The following IL1RAPL1 variants were observed in gnomAD, a reference collection of about 807,000 sequenced individuals.
IL1RAPL1 encodes interleukin-1 receptor accessory protein-like 1.
In IL1RAPL1, 3 loss-of-function variants were observed where a neutral mutation model predicts 48.4. The ratio of observed to expected loss-of-function variants is 0.06; its 90% CI spans 0.03 to 0.16. The LOEUF is 0.16. Among genes scored for constraint, IL1RAPL1 ranks in the 10% least tolerant of loss-of-function variants. IL1RAPL1 has a pLI of 1.00. For synonymous variants in IL1RAPL1, 185 were observed against 187.7 expected (o/e 0.99, Z 0.12); for missense variants, 349 against 530.6 (o/e 0.66, Z 3.36).
chrX:29,188,157 C>T (rs1930287598), intron 2 of IL1RAPL1, among the ~76,000 whole-genome samples: 1 of 112,091 alleles, frequency 8.9e-6, no homozygotes, highest in Admixed American at 9.5e-5. Context: ...ATTCTCCTTC[C>T]ACAGACTACT....
intron 6 of IL1RAPL1, among the ~76,000 whole-genome samples, chrX:29,714,927 A>T (rs900411533): frequency 1.8e-5 from 2 of 111,568 alleles, no homozygotes; most frequent in African/African-American, 6.5e-5. Context: ...TTATTTTCAT[A>T]ATCTTCAATC....
chrX:29,333,487 G>A (rs1297239934), intron 3 of IL1RAPL1, among the ~76,000 whole-genome samples: 2 of 87,471 alleles, frequency 2.3e-5, no homozygotes, highest in Admixed American at 1.1e-4. Flanking sequence ...CGGCCGGGCA[G>A]AGGCGCCCCT....
At chrX:28,736,248 A>T (rs1486191710) in intron 1 of IL1RAPL1, among the ~76,000 whole-genome samples, 2 of 110,282 alleles carry the variant, frequency 1.8e-5, no homozygotes, top group African/African-American at 6.6e-5. Flanking sequence ...CCTGGCCAAC[A>T]TAGTGAAACC....
intron 6 of IL1RAPL1, among the ~76,000 whole-genome samples, chrX:29,769,610 AT>A (rs146650137): frequency 0.2 from 8,538 of 42,963 alleles, 661 homozygotes; most frequent in African/African-American, 0.29. Flanking sequence ...TGCCTGGCTA[AT>A]TTTTTTTTTT....
intron 6 of IL1RAPL1, among the ~76,000 whole-genome samples, chrX:29,850,596 G>A (rs896909293): frequency 2.7e-5 from 3 of 112,383 alleles, no homozygotes; most frequent in African/African-American, 9.7e-5. Context: ...CGTAAGGCTC[G>A]GTGTGGGTGG....
chrX:28,829,847 C>T (rs1164067855), intron 2 of IL1RAPL1, among the ~76,000 whole-genome samples: 7 of 110,598 alleles, frequency 6.3e-5, no homozygotes, highest in East Asian at 2.8e-4. Context: ...CGTGAGCCAC[C>T]GTGCCCGGCC....
At chrX:29,713,338 G>T (rs1927401468) in intron 6 of IL1RAPL1, among the ~76,000 whole-genome samples, 1 of 111,739 alleles carries the variant, frequency 8.9e-6, no homozygotes. Flanking sequence ...GGTAGGTACA[G>T]ACATGAGAAG....
intron 2 of IL1RAPL1, among the ~76,000 whole-genome samples, chrX:28,993,475 A>G (rs1378474088): frequency 1.8e-5 from 2 of 111,615 alleles, no homozygotes; most frequent in Non-Finnish European, 3.8e-5. Context: ...TGAAGATACA[A>G]TTGGCAAGGC....
chrX:29,325,468 A>C (rs1932836869), intron 3 of IL1RAPL1, among the ~76,000 whole-genome samples: 1 of 111,894 alleles, frequency 8.9e-6, no homozygotes, highest in African/African-American at 3.2e-5. Context: ...TTGTTATTTT[A>C]TTTTTGCCAT....
At chrX:29,647,886 C>T (rs1274919504) in intron 5 of IL1RAPL1, among the ~76,000 whole-genome samples, 1 of 111,362 alleles carries the variant, frequency 9.0e-6, no homozygotes, top group East Asian at 2.8e-4. Context: ...CAAGACTCTT[C>T]TATATGGTAC....
chrX:29,335,944 G>A (rs1466569022), intron 3 of IL1RAPL1, among the ~76,000 whole-genome samples: 2 of 109,476 alleles, frequency 1.8e-5, no homozygotes, highest in East Asian at 2.9e-4. Context: ...AAAAACAGTC[G>A]TGCGTATGTA....
intron 5 of IL1RAPL1, among the ~76,000 whole-genome samples, chrX:29,573,660 T>G (rs1165949817): frequency 8.9e-6 from 1 of 112,225 alleles, no homozygotes; most frequent in African/African-American, 3.2e-5. Flanking sequence ...CTGGCATATC[T>G]TGGTAAAAGT....
chrX:29,051,082 A>G (rs780063434), intron 2 of IL1RAPL1, among the ~76,000 whole-genome samples: 3 of 112,204 alleles, frequency 2.7e-5, no homozygotes, highest in Non-Finnish European at 5.6e-5. Flanking sequence ...TGTTTTTTGG[A>G]AGGTCATATT....
intron 6 of IL1RAPL1, among the ~76,000 whole-genome samples, chrX:29,803,316 T>TACAC (rs1269567602): frequency 1.7e-4 from 10 of 58,531 alleles, no homozygotes; most frequent in African/African-American, 5.1e-4. Flanking sequence ...CACACATGTA[T>TACAC]ATATGTATAC....
At chrX:29,693,319 C>T (rs948699079) in intron 6 of IL1RAPL1, among the ~76,000 whole-genome samples, 1 of 112,424 alleles carries the variant, frequency 8.9e-6, no homozygotes, top group Non-Finnish European at 1.9e-5. Context: ...TTTCAGGCTT[C>T]TAAGTGTGTT....
chrX:28,731,207 A>G (rs1254328342), intron 1 of IL1RAPL1, among the ~76,000 whole-genome samples: 1 of 110,796 alleles, frequency 9.0e-6, no homozygotes, highest in Admixed American at 9.6e-5. Flanking sequence ...TTTCATTTTG[A>G]TTTTTTTTCT....
At chrX:28,896,500 A>G (rs777150873) in intron 2 of IL1RAPL1, among the ~76,000 whole-genome samples, 1 of 111,349 alleles carries the variant, frequency 9.0e-6, no homozygotes, top group Admixed American at 9.5e-5. Flanking sequence ...AGCCTTGACT[A>G]TGCCTTTAGC....
intron 5 of IL1RAPL1, among the ~76,000 whole-genome samples, chrX:29,405,664 G>A (rs775897369): frequency 9.1e-6 from 1 of 109,473 alleles, no homozygotes; most frequent in Admixed American, 9.6e-5. Flanking sequence ...CCACGCCCAG[G>A]CTCTGTGTTC....
intron 2 of IL1RAPL1, among the ~76,000 whole-genome samples, chrX:29,025,529 A>G (rs1353893557): frequency 9.0e-6 from 1 of 111,173 alleles, no homozygotes; most frequent in African/African-American, 3.3e-5. Context: ...AATTATAGAT[A>G]CCTTAACTTG....
Sources: gnomAD v4.1 joint callset for allele counts (sites outside exome capture counted in the v4.1 genomes callset) on GRCh38, gnomAD v4.1.1 for gene constraint, MANE v1.5 for transcripts, NCBI Gene and HGNC (gene_info 2026-07-23, HGNC 2026-07-21) for gene names.